ACSF2: variants seen among roughly 807,000 people sequenced by gnomAD.
ACSF2 encodes the protein acyl-CoA synthetase family member 2, also known as medium-chain acyl-CoA ligase ACSF2, mitochondrial.
Under a neutral mutation model 79.3 loss-of-function variants are expected in ACSF2, and 52 were observed. The observed-to-expected ratio is 0.66, with a 90% CI of 0.53 to 0.83. ACSF2 has a LOEUF of 0.83. Among genes scored for constraint, ACSF2 ranks in the 40% least tolerant of loss-of-function variants. ACSF2 has a pLI of 0.00. For synonymous variants in ACSF2, 283 were observed against 312.6 expected (o/e 0.91, Z 1.00); for missense variants, 661 against 803.3 (o/e 0.82, Z 2.14).
At chr17:50,426,836 T>C (rs1915040655) in intron 1 of ACSF2, 2 of 1,465,118 alleles carry the variant, frequency 1.4e-6, no homozygotes, top group South Asian at 2.4e-5. Context: ...TGTCTCCTCA[T>C]CAGCTGCTCA....
At position 50,463,511 on chromosome 17, in the gene ACSF2, C is replaced by CT; in HGVS notation, c.1007dup (p.Asn337GlnfsTer37). 6.2e-7 allele frequency: 1 copy of CT among 1,614,186 alleles called. No individual in the cohort carries two copies. The highest frequency in any genetic ancestry group is 8.5e-7 in the Non-Finnish European group (1 of 1,180,026). On this transcript the variant is annotated frameshift_variant, in exon 8 of 16. Coordinates refer to ENST00000300441, the MANE Select transcript of ACSF2 (RefSeq NM_025149.6). LOFTEE classifies it high-confidence loss of function. This position sits in a 1 kb window ranked among gnomAD's most constrained non-coding sequence, Gnocchi z 4.6. ...CCACCCTCATCCTGGCCTCTCCCAT[C>CT]TTCAATGGCAAGAAGGCACTGGAGG...
intron 1 of ACSF2, chr17:50,450,213 G>A: frequency 6.4e-6 from 1 of 155,446 alleles, no homozygotes; most frequent in Non-Finnish European, 1.4e-5. Context: ...CGATTCTTTG[G>A]CATCAAGAAG....
At chr17:50,462,359 C>T (rs1308705028) in intron 5 of ACSF2, 57 bp downstream of exon 5, 9 of 1,611,784 alleles carry the variant, frequency 5.6e-6, no homozygotes, top group South Asian at 1.1e-5. Context: ...GATTCCTTCA[C>T]TTCCTACCCA....
intron 10 of ACSF2, among the ~76,000 whole-genome samples, chr17:50,467,364 G>A (rs975948465): frequency 3.3e-5 from 5 of 152,202 alleles, no homozygotes; most frequent in African/African-American, 7.2e-5. Flanking sequence ...GCCCCTTCAC[G>A]GAGCCCATGG....
chr17:50,468,897 C>A (rs1020472795), intron 10 of ACSF2: 29 of 1,431,504 alleles, frequency 2.0e-5, no homozygotes, highest in Non-Finnish European at 2.5e-5. Flanking sequence ...TCGGGTCTGC[C>A]GCCCTCTTTA....
intron 1 of ACSF2, chr17:50,426,835 A>T: frequency 6.8e-7 from 1 of 1,464,470 alleles, no homozygotes; most frequent in Non-Finnish European, 9.2e-7. Flanking sequence ...CTGTCTCCTC[A>T]TCAGCTGCTC....
At position 50,460,592 on chromosome 17, in the gene ACSF2, C is replaced by T. The variant is rs1418333737; in HGVS notation, c.129-85C>T. 1.0e-5 allele frequency: 13 copies of T among 1,278,744 alleles called. No individual in the cohort carries two copies. In the South Asian group the frequency reaches 1.4e-4, roughly 14 times the overall value. The allele number at this position is 1,278,744 out of a possible 1,614,324, so 79.2% of individuals were successfully genotyped here. On this transcript the variant is annotated intron_variant, in intron 1 of 15. Transcript: ENST00000300441. Reference sequence around the variant, plus strand: ...CTCTAACACATTGTCAGCAGCCTACCCCCTGGCTTGGCTGGGTGTGCCATG... The same window carrying T: ...CTCTAACACATTGTCAGCAGCCTACTCCCTGGCTTGGCTGGGTGTGCCATG...
intron 10 of ACSF2, chr17:50,468,475 C>T: frequency 6.2e-7 from 1 of 1,614,260 alleles, no homozygotes; most frequent in South Asian, 1.1e-5. Flanking sequence ...CTGCGCGCAG[C>T]ACGCGGATGT....
At chr17:50,429,739 A>T (rs747414216) in intron 1 of ACSF2, among the ~76,000 whole-genome samples, 7 of 152,042 alleles carry the variant, frequency 4.6e-5, no homozygotes, top group Non-Finnish European at 1.0e-4. Flanking sequence ...ACTAGTCTCA[A>T]ACTCCTGAAC....
In ACSF2 at chr17:50,460,864, AAGG is replaced by A; in HGVS notation, c.323_324+1del. 6.2e-7 allele frequency: 1 copy of A among 1,608,614 alleles called. No homozygotes were observed. The highest frequency in any genetic ancestry group is 2.2e-5 in the East Asian group (1 of 44,718). On this transcript the variant is annotated inframe_deletion, in exon 2 of 16. Coordinates refer to ENST00000300441, the MANE Select transcript of ACSF2 (RefSeq NM_025149.6). ...CGTCAGGTTGACCTTTGCCCAACTC[AAGG>A]AGGAGGTGGGTCCTGACCTGGAAAC...
chr17:50,464,765 GACTT>G, intron 10 of ACSF2: 4 of 236,912 alleles, frequency 1.7e-5, no homozygotes, highest in South Asian at 2.9e-5. Flanking sequence ...GGTTCTGATT[GACTT>G]GGGGGGGGGG....
chr17:50,468,074 T>A (rs768632570), intron 10 of ACSF2: 2 of 1,609,480 alleles, frequency 1.2e-6, no homozygotes, highest in East Asian at 4.5e-5. Context: ...CCAGAGGGTC[T>A]CCAGGTATCT....
chr17:50,444,636 A>AACACACACACACACAC (rs72392656), intron 1 of ACSF2, among the ~76,000 whole-genome samples: 1 of 147,970 alleles, frequency 6.8e-6, no homozygotes. Context: ...TCTCTCTGCA[A>AACACACACACACACAC]ACACACACAC....
chr17:50,432,154 G>A (rs2029983973), intron 1 of ACSF2, among the ~76,000 whole-genome samples: 2 of 152,114 alleles, frequency 1.3e-5, no homozygotes, highest in Non-Finnish European at 2.9e-5. Flanking sequence ...GCCTGCCTCA[G>A]CCACCTCCCA....
chr17:50,434,129 C>T (rs747627037), intron 1 of ACSF2, among the ~76,000 whole-genome samples: 8 of 151,150 alleles, frequency 5.3e-5, no homozygotes, highest in Non-Finnish European at 8.9e-5. Flanking sequence ...GCCTGGGCAA[C>T]ATAGGGAGAC....
chr17:50,432,684 C>A (rs1220513305), intron 1 of ACSF2, among the ~76,000 whole-genome samples: 1 of 152,294 alleles, frequency 6.6e-6, no homozygotes, highest in Non-Finnish European at 1.5e-5. Flanking sequence ...GCTTACAAAT[C>A]GTGCTTTATA....
chr17:50,460,884 C>T lies in ACSF2; in HGVS notation c.324+12C>T, dbSNP rs762514280. The T allele has an allele frequency of 1.0e-5, 16 of 1,602,020 alleles. No individual in the cohort carries two copies. In the South Asian group the frequency reaches 1.8e-4, roughly 18 times the overall value. ...AACTCAAGGAGGAGGTGGGTCCTGA[C>T]CTGGAAACCTCAAAGTGGGCAAGTA... On this transcript the variant is annotated intron_variant, in intron 2 of 15. Coordinates refer to ENST00000300441, the MANE Select transcript of ACSF2 (RefSeq NM_025149.6).
rs1400647272 is a variant in ACSF2, at chr17:50,464,776, G to T, written c.1215+482G>T. 2 of 332,354 alleles carry T rather than the reference G, an allele frequency of 6.0e-6. 1 individual carries two copies. The highest frequency in any genetic ancestry group is 4.5e-5 in the South Asian group (2 of 44,936). The allele number at this position is 332,354 out of a possible 1,614,324, so 20.6% of individuals were successfully genotyped here. A position where few individuals can be genotyped will look rare whatever the true frequency, so the allele number is the denominator to read the frequency against. On this transcript the variant is annotated intron_variant, in intron 10 of 15. Coordinates refer to ENST00000300441, the MANE Select transcript of ACSF2 (RefSeq NM_025149.6). ...TTGTGGTTCTGATTGACTTGGGGGG[G>T]GGGTCTCAGCAACAGCTTCTCCAAG...
intron 1 of ACSF2, among the ~76,000 whole-genome samples, chr17:50,445,070 A>G (rs937375900): frequency 4.0e-5 from 6 of 151,660 alleles, no homozygotes; most frequent in Non-Finnish European, 8.8e-5. Flanking sequence ...GCATGCCACT[A>G]CCCCTGGCTA....
Sources: gnomAD v4.1 joint callset for allele counts (sites outside exome capture counted in the v4.1 genomes callset) on GRCh38, gnomAD v4.1.1 for gene constraint, Gnocchi (gnomAD v3.1) non-coding constraint, MANE v1.5 for transcripts, NCBI Gene and HGNC (gene_info 2026-07-23, HGNC 2026-07-21) for gene names.